The following ARHGAP10 variants were observed in gnomAD, a reference collection of about 807,000 sequenced individuals.
ARHGAP10 encodes Rho GTPase activating protein 10, also known as rho GTPase-activating protein 10.
A neutral mutation model predicts 108.6 loss-of-function variants in ARHGAP10; 87 were observed. The observed-to-expected ratio is 0.80, with a 90% CI of 0.67 to 0.96. ARHGAP10 has a LOEUF of 0.96. Among genes scored for constraint, ARHGAP10 ranks in the 40% least tolerant of loss-of-function variants. ARHGAP10 has a pLI of 0.00. For missense variants in ARHGAP10, 939 were observed against 954.5 expected (o/e 0.98, Z 0.21); for synonymous variants, 347 against 341.1 (o/e 1.02, Z -0.19).
chr4:147,997,323 A>C (rs1311813989), intron 18 of ARHGAP10, among the ~76,000 whole-genome samples: 3 of 152,252 alleles, frequency 2.0e-5, no homozygotes, highest in Non-Finnish European at 4.4e-5. Flanking sequence ...AGAAGAAATG[A>C]ACTTACTAAA....
chr4:147,833,362 C>T (rs1733030644), intron 3 of ARHGAP10, among the ~76,000 whole-genome samples: 1 of 152,192 alleles, frequency 6.6e-6, no homozygotes, highest in Non-Finnish European at 1.5e-5. Flanking sequence ...GGTTTCTCTC[C>T]TGCCACCATG....
chr4:147,887,440 C>T (rs1285120315), intron 10 of ARHGAP10, among the ~76,000 whole-genome samples: 2 of 26,844 alleles, frequency 7.5e-5, no homozygotes, highest in East Asian at 9.6e-3. Context: ...TTTCATTCAT[C>T]TTAAAAAAAC....
chr4:147,848,101 T>TC (rs1275645042), intron 4 of ARHGAP10, among the ~76,000 whole-genome samples: 1 of 151,306 alleles, frequency 6.6e-6, no homozygotes, highest in African/African-American at 2.4e-5. Flanking sequence ...GTTTTTTTTT[T>TC]TTTCTCTTCC....
intron 7 of ARHGAP10, among the ~76,000 whole-genome samples, chr4:147,869,102 TGAA>T (rs1195047195): frequency 6.6e-6 from 1 of 152,014 alleles, no homozygotes; most frequent in Non-Finnish European, 1.5e-5. Context: ...CAAGGTAAAA[TGAA>T]GAAGATAGTG....
intron 7 of ARHGAP10, among the ~76,000 whole-genome samples, chr4:147,867,788 C>T (rs1230918117): frequency 2.0e-5 from 3 of 146,612 alleles, no homozygotes; most frequent in Non-Finnish European, 4.5e-5. Flanking sequence ...TGCTTGAATC[C>T]GGGAGGTGGA....
intron 16 of ARHGAP10, among the ~76,000 whole-genome samples, chr4:147,963,261 T>C (rs1739071477): frequency 6.6e-6 from 1 of 152,170 alleles, no homozygotes; most frequent in African/African-American, 2.4e-5. Flanking sequence ...ATTTACTGAA[T>C]TTGGAATGTT....
At position 147,811,234 on chromosome 4, in the gene ARHGAP10, C is replaced by G. The variant is rs1013467723; in HGVS notation, c.155-11493C>G. ...ACTGGTAAGTGCGGGCCCCAGGCCC[C>G]CAGTGTCCTCTTGTGAGAATTCTCT... On this transcript the variant is annotated intron_variant, in intron 1 of 22. Transcript: ENST00000336498. Among the ~76,000 whole-genome samples, 18 of 152,372 alleles carry G rather than the reference C, an allele frequency of 1.2e-4. No individual in the cohort carries two copies. In the East Asian group the frequency reaches 3.1e-3, roughly 26 times the overall value.
At chr4:147,751,412 A>G (rs1351659569) in intron 1 of ARHGAP10, among the ~76,000 whole-genome samples, 1 of 150,492 alleles carries the variant, frequency 6.6e-6, no homozygotes, top group Non-Finnish European at 1.5e-5. Flanking sequence ...CACCCAGGCC[A>G]GGGTGCAGTG....
chr4:147,761,017 CTT>C (rs11301771), intron 1 of ARHGAP10, among the ~76,000 whole-genome samples: 62 of 141,182 alleles, frequency 4.4e-4, no homozygotes, highest in Admixed American at 4.3e-4. Flanking sequence ...TTAGAGTTAA[CTT>C]TTTTTTTTTT....
intron 4 of ARHGAP10, among the ~76,000 whole-genome samples, chr4:147,850,674 C>A (rs897224243): frequency 6.6e-6 from 1 of 152,058 alleles, no homozygotes; most frequent in Non-Finnish European, 1.5e-5. Context: ...ACACTCACTG[C>A]GAGGGTCCGC....
At chr4:147,923,775 G>A (rs1445360054) in intron 13 of ARHGAP10, among the ~76,000 whole-genome samples, 1 of 152,200 alleles carries the variant, frequency 6.6e-6, no homozygotes, top group African/African-American at 2.4e-5. Context: ...CTTTAGAATT[G>A]TATGGGGTTC....
At chr4:147,903,185 C>T (rs1736319825) in intron 10 of ARHGAP10, among the ~76,000 whole-genome samples, 1 of 152,216 alleles carries the variant, frequency 6.6e-6, no homozygotes, top group Non-Finnish European at 1.5e-5. Flanking sequence ...CACTCTCCAG[C>T]AGGCTCATGG....
intron 1 of ARHGAP10, among the ~76,000 whole-genome samples, chr4:147,801,325 T>A (rs1731572743): frequency 6.6e-6 from 1 of 152,188 alleles, no homozygotes; most frequent in African/African-American, 2.4e-5. Context: ...AATCCACTAT[T>A]TGTTTCTTTG....
At chr4:147,802,541 C>T (rs1196646211) in intron 1 of ARHGAP10, among the ~76,000 whole-genome samples, 6 of 152,330 alleles carry the variant, frequency 3.9e-5, no homozygotes, top group Non-Finnish European at 8.8e-5. Flanking sequence ...GCCTCTCTGT[C>T]CTCAGCAGAG....
intron 1 of ARHGAP10, among the ~76,000 whole-genome samples, chr4:147,805,721 A>G (rs1731755286): frequency 6.6e-6 from 1 of 152,216 alleles, no homozygotes; most frequent in Non-Finnish European, 1.5e-5. Context: ...AGGCTGAGGT[A>G]GGAGGATCAC....
intron 4 of ARHGAP10, among the ~76,000 whole-genome samples, chr4:147,853,458 TAAAG>T (rs1043690946): frequency 5.3e-5 from 8 of 152,108 alleles, no homozygotes; most frequent in African/African-American, 1.9e-4. Context: ...AATTGGAAAA[TAAAG>T]AAAATTCAAA....
intron 22 of ARHGAP10, among the ~76,000 whole-genome samples, chr4:148,067,359 G>T (rs868757524): frequency 6.6e-6 from 1 of 152,212 alleles, no homozygotes; most frequent in African/African-American, 2.4e-5. Context: ...GCAGGTGCTT[G>T]CCCAGAACAC....
chr4:147,788,679 C>A (rs58421633), intron 1 of ARHGAP10, among the ~76,000 whole-genome samples: 2,000 of 152,268 alleles, frequency 0.013, 46 homozygotes, highest in African/African-American at 0.046. Context: ...GGGTTATAAA[C>A]AGTCTGATTA....
At chr4:147,848,839 G>A (rs1733740037) in intron 4 of ARHGAP10, among the ~76,000 whole-genome samples, 1 of 152,168 alleles carries the variant, frequency 6.6e-6, no homozygotes, top group Admixed American at 6.5e-5. Context: ...CATTTGTTCA[G>A]AGTATATCCT....
Sources: allele counts gnomAD v4.1 joint callset (sites outside exome capture counted in the v4.1 genomes callset), GRCh38; gene constraint gnomAD v4.1.1; transcripts MANE v1.5; gene names NCBI Gene and HGNC (gene_info 2026-07-23, HGNC 2026-07-21).